Variants in TATDN1 observed in about 807,000 individuals in gnomAD.
TATDN1 encodes the protein TatD DNase domain containing 1.
Under a neutral mutation model 46.4 loss-of-function variants are expected in TATDN1, and 40 were observed. The observed-to-expected ratio is 0.86, with a 90% CI of 0.67 to 1.12. TATDN1 has a LOEUF of 1.12. Among genes scored for constraint, TATDN1 ranks in the 50% most tolerant of loss-of-function variants. The pLI, the probability that TATDN1 is intolerant of heterozygous loss-of-function variation, is 0.00. For synonymous variants in TATDN1, 95 were observed against 105.6 expected (o/e 0.90, Z 0.62); for missense variants, 326 against 348.4 (o/e 0.94, Z 0.51).
rs1820104722 is a variant in TATDN1, at chr8:124,522,163, A to C, written c.126T>G (p.Ile42Met). 6.3e-7 allele frequency: 1 copy of C among 1,595,824 alleles called. No homozygotes were observed. ...LQDVIGRAVE[I>M]GVKKFMITGG... is the part of the protein sequence containing the mutation. The stretch of plus-strand genomic sequence containing the variant: ...AAATGGATGTTACCTTTTTAACACC[A>C]ATCTCGACAGCTCTCCCTATTACAT... Residue 42 changes from isoleucine (I) to methionine (M), a missense_variant, in exon 3 of 12, where the codon ATT becomes ATG. Coordinates refer to ENST00000276692, the MANE Select transcript of TATDN1 (RefSeq NM_032026.4).
At chr8:124,522,911 T>G in intron 2 of TATDN1, 26 bp downstream of exon 2, 1 of 1,597,410 alleles carries the variant, frequency 6.3e-7, no homozygotes, top group Non-Finnish European at 8.6e-7. Context: ...TAGGAAACTA[T>G]TCGCCTTAAT....
chr8:124,492,080 T>C (rs1312320182), intron 11 of TATDN1, among the ~76,000 whole-genome samples: 2 of 152,006 alleles, frequency 1.3e-5, no homozygotes, highest in South Asian at 2.1e-4. Flanking sequence ...GTTCAAGCGA[T>C]TCTCCTGCCT....
Position 124,504,299 on chromosome 8 carries a change from A to C in TATDN1, c.565T>G (p.Leu189Val). The change falls in exon 9 of 12, where the codon TTG (leucine) becomes GTG (valine). Residue 189 changes from leucine (L) to valine (V), a missense_variant. Coordinates refer to ENST00000276692, the MANE Select transcript of TATDN1 (RefSeq NM_032026.4). Reference sequence around the variant, plus strand: ...CCATTAAATCCTATATAAAGATCCAAGTCAATCAAAGCAGCTGCTGCTTCC... The same window carrying C: ...CCATTAAATCCTATATAAAGATCCACGTCAATCAAAGCAGCTGCTGCTTCC... ...TKEAAAALID[L>V]DLYIGFNGCS... The C allele has an allele frequency of 2.5e-6, 4 of 1,608,976 alleles. No homozygotes were observed. Among genetic ancestry groups the C allele is most frequent in the Non-Finnish European group, 3.4e-6 (4 of 1,177,914 alleles).
intron 9 of TATDN1, among the ~76,000 whole-genome samples, chr8:124,503,363 G>A (rs1192863899): frequency 2.6e-5 from 4 of 152,088 alleles, no homozygotes; most frequent in African/African-American, 9.7e-5. Context: ...GGTCATGCTG[G>A]GGGGACTCTG....
intron 1 of TATDN1, among the ~76,000 whole-genome samples, chr8:124,534,147 A>G (rs1475008711): frequency 1.9e-5 from 1 of 53,388 alleles, no homozygotes; most frequent in Non-Finnish European, 5.4e-5. Context: ...CTCCGTCTCA[A>G]AAAAAAAAAA....
chr8:124,488,799 T>C, intron 11 of TATDN1, 103 bp from the exon 12 acceptor site: 1 of 709,508 alleles, frequency 1.4e-6, no homozygotes, highest in Admixed American at 2.7e-5. Flanking sequence ...GGCACACCTT[T>C]AATATAATAA....
chr8:124,518,460 T>C (rs893106217), intron 4 of TATDN1, among the ~76,000 whole-genome samples: 9 of 149,528 alleles, frequency 6.0e-5, no homozygotes, highest in Non-Finnish European at 1.3e-4. Flanking sequence ...GGAGGTGGAG[T>C]TTGCAGTGAG....
chr8:124,533,821 A>C (rs12548235), intron 1 of TATDN1, among the ~76,000 whole-genome samples: 77,423 of 151,562 alleles, frequency 0.51, 20,215 homozygotes, highest in African/African-American at 0.61. Flanking sequence ...CACAACCAGC[A>C]CAGCTGCTTT....
chr8:124,519,271 C>A (rs565077283), intron 3 of TATDN1, among the ~76,000 whole-genome samples: 1 of 152,216 alleles, frequency 6.6e-6, no homozygotes, highest in Non-Finnish European at 1.5e-5. Flanking sequence ...TGGTAACTCC[C>A]AGTAGGTATG....
chr8:124,504,104 T>G lies in TATDN1; in HGVS notation c.593+167A>C, dbSNP rs959170562. 1.8e-5 allele frequency: 13 copies of G among 703,558 alleles called. No individual in the cohort carries two copies. The African/African-American group carries it at 2.3e-4, about 13-fold the overall frequency. The allele number at this position is 703,558 out of a possible 1,614,324, so 43.6% of individuals were successfully genotyped here. On this transcript the variant is annotated intron_variant, in intron 9 of 11. Coordinates refer to ENST00000276692, the MANE Select transcript of TATDN1 (RefSeq NM_032026.4). ...TTCGAGCTTTAACTTTTAATAGTAATGTACTGTTTAATTTCTTAATAAATA... is the reference window on the plus strand; with the variant it reads ...TTCGAGCTTTAACTTTTAATAGTAAGGTACTGTTTAATTTCTTAATAAATA...
intron 4 of TATDN1, among the ~76,000 whole-genome samples, chr8:124,518,211 CAAAAAAAAAAAAA>C (rs374487274): frequency 0.034 from 1,189 of 34,704 alleles, 53 homozygotes; most frequent in African/African-American, 0.11. Context: ...GACTCTATCT[CAAAAAAAAAAAAA>C]AAAAAAAAAA....
intron 11 of TATDN1, chr8:124,489,592 T>C (rs1816765581): frequency 6.6e-6 from 1 of 152,218 alleles, no homozygotes; most frequent in African/African-American, 2.4e-5. Flanking sequence ...TTTTGTATTT[T>C]TAGTAGAGAC....
At chr8:124,504,934 T>C (rs1234188328) in intron 8 of TATDN1, among the ~76,000 whole-genome samples, 11 of 150,026 alleles carry the variant, frequency 7.3e-5, no homozygotes, top group Non-Finnish European at 1.3e-4. Context: ...TTTTTTTTTT[T>C]AGTAGAGATG....
chr8:124,506,334 C>CAAAAAAAA (rs56023168), intron 8 of TATDN1, among the ~76,000 whole-genome samples: 31 of 52,272 alleles, frequency 5.9e-4, no homozygotes, highest in Non-Finnish European at 7.0e-4. Context: ...GGCTCTGTCT[C>CAAAAAAAA]AAAAAAAAAA....
At chr8:124,520,994 G>A (rs1444122904) in intron 3 of TATDN1, among the ~76,000 whole-genome samples, 1 of 151,494 alleles carries the variant, frequency 6.6e-6, no homozygotes, top group Non-Finnish European at 1.5e-5. Flanking sequence ...TCATGGTGGT[G>A]GCTTCCATCA....
intron 3 of TATDN1, among the ~76,000 whole-genome samples, chr8:124,519,476 A>G (rs1194930512): frequency 6.6e-6 from 1 of 152,172 alleles, no homozygotes; most frequent in African/African-American, 2.4e-5. Context: ...AAAACATACA[A>G]CTGTACTCAT....
chr8:124,506,010 A>T (rs147166174), intron 8 of TATDN1, among the ~76,000 whole-genome samples: 26 of 152,204 alleles, frequency 1.7e-4, no homozygotes, highest in African/African-American at 5.8e-4. Flanking sequence ...TGTTAATTTT[A>T]AAAACTATTA....
chr8:124,490,758 T>G (rs999913614), intron 11 of TATDN1, among the ~76,000 whole-genome samples: 1 of 151,874 alleles, frequency 6.6e-6, no homozygotes, highest in Non-Finnish European at 1.5e-5. Flanking sequence ...GTTTTTGTTT[T>G]TTTTTTTTGA....
Position 124,518,147 on chromosome 8 carries a change from G to A in TATDN1, c.202+671C>T, listed in dbSNP as rs865947293. Among the ~76,000 whole-genome samples, 118 of 148,624 alleles carry A rather than the reference G, an allele frequency of 7.9e-4. 1 individual carries two copies. Among genetic ancestry groups the A allele is most frequent in the African/African-American group, 2.7e-3 (109 of 40,226 alleles). Reference sequence around the variant, plus strand: ...GAATGGCATGAACCAGGGAGGTGGCGCGCGCAGTGAGCCGAGATTGCGCCA... The same window carrying A: ...GAATGGCATGAACCAGGGAGGTGGCACGCGCAGTGAGCCGAGATTGCGCCA... On this transcript the variant is annotated intron_variant, in intron 4 of 11. Coordinates refer to ENST00000276692, the MANE Select transcript of TATDN1 (RefSeq NM_032026.4).
Sources: allele counts gnomAD v4.1 joint callset (sites outside exome capture counted in the v4.1 genomes callset), GRCh38; gene constraint gnomAD v4.1.1; transcripts MANE v1.5; gene names NCBI Gene and HGNC (gene_info 2026-07-23, HGNC 2026-07-21).